The following SRP54 variants were observed in gnomAD, a reference collection of about 807,000 sequenced individuals.
SRP54 encodes the protein signal recognition particle 54.
A neutral mutation model predicts 64.8 loss-of-function variants in SRP54; 10 were observed. The ratio of observed to expected loss-of-function variants is 0.15; its 90% CI spans 0.10 to 0.26. The LOEUF (loss-of-function observed/expected upper bound fraction) is 0.26, where lower values mean the gene tolerates loss of function less well. Among genes scored for constraint, SRP54 ranks in the 10% least tolerant of loss-of-function variants. The pLI is 1.00. For missense variants in SRP54, 325 were observed against 613.7 expected, an observed-to-expected ratio of 0.53 and a Z score of 4.97; for synonymous variants, 193 against 185.6, an observed-to-expected ratio of 1.04 and a Z score of -0.32.
rs896229664 is a variant in SRP54 at position 35,022,687 on chromosome 14, C to T, written c.1157-223C>T. 2.0e-5 allele frequency among the ~76,000 whole-genome samples: 3 copies of T among 152,104 alleles called. No individual in the cohort carries two copies. The East Asian group carries it at 5.8e-4, about 29-fold the overall frequency. On this transcript the variant is annotated intron_variant, in intron 13 of 15. Transcript: ENST00000216774. ...TTAATTTTTAAAACTCAAAAGCAAA[C>T]ATAGCGAATGTTAACATTTGTTAAA...
intron 14 of SRP54, among the ~76,000 whole-genome samples, chr14:35,024,461 C>T (rs1201589734): frequency 6.6e-6 from 1 of 152,102 alleles, no homozygotes. Context: ...TCCAGTTCTT[C>T]CATTTTTCCC....
At chr14:34,988,597 C>CATATATATAT (rs1207004558) in intron 1 of SRP54, among the ~76,000 whole-genome samples, 2 of 77,924 alleles carry the variant, frequency 2.6e-5, no homozygotes, top group Non-Finnish European at 6.2e-5. Flanking sequence ...ATATATATAA[C>CATATATATAT]ATATATATAT....
At chr14:35,019,486 A>G (rs2044492630) in intron 13 of SRP54, 1 of 156,366 alleles carries the variant, frequency 6.4e-6, no homozygotes, top group Admixed American at 6.2e-5. Context: ...GTTTAAGACC[A>G]ACCTGGCCAA....
rs967586325 is a variant in SRP54, at chr14:35,016,453, A to G, written c.973+1623A>G. 4.6e-5 allele frequency among the ~76,000 whole-genome samples: 7 copies of G among 152,082 alleles called. 1 individual carries two copies. The highest frequency in any genetic ancestry group is 4.6e-4 in the Admixed American group (7 of 15,266). On this transcript the variant is annotated intron_variant, in intron 11 of 15. Transcript: ENST00000216774. ...TCTCAAATGTACATTCCTGTCTCTC[A>G]CATCTGGGCTGTTGCCTTTGCCAGT...
intron 1 of SRP54, among the ~76,000 whole-genome samples, chr14:34,988,319 T>A (rs1399654640): frequency 2.0e-5 from 3 of 151,612 alleles, no homozygotes; most frequent in Middle Eastern, 3.4e-3. Flanking sequence ...ATCCTAGCAC[T>A]TTGGGAGGCT....
chr14:35,019,229 G>C (rs1273490502), intron 13 of SRP54, 155 bp downstream of exon 13: 2 of 568,270 alleles, frequency 3.5e-6, no homozygotes, highest in African/African-American at 3.8e-5. Flanking sequence ...TTACTCAAAG[G>C]GTTATGATTA....
intron 8 of SRP54, among the ~76,000 whole-genome samples, chr14:35,012,941 G>GTTTTTTTT (rs761844773): frequency 8.4e-6 from 1 of 118,392 alleles, no homozygotes; most frequent in Non-Finnish European, 1.7e-5. Context: ...AAATGTTGTA[G>GTTTTTTTT]TTTTTTTTTT....
intron 13 of SRP54, 66 bp downstream of exon 13, chr14:35,019,140 T>C: frequency 9.0e-7 from 1 of 1,110,430 alleles, no homozygotes; most frequent in Admixed American, 2.0e-5. Flanking sequence ...AGAGTTTCAC[T>C]GTATTCTTGT....
intron 2 of SRP54, among the ~76,000 whole-genome samples, chr14:34,997,433 A>C (rs1192133249): frequency 6.6e-6 from 1 of 152,230 alleles, no homozygotes; most frequent in Non-Finnish European, 1.5e-5. Flanking sequence ...TGTATCAACA[A>C]TGGAAAAGTA....
At chr14:35,012,865 A>G (rs1262980471) in intron 8 of SRP54, among the ~76,000 whole-genome samples, 1 of 151,968 alleles carries the variant, frequency 6.6e-6, no homozygotes, top group Non-Finnish European at 1.5e-5. Context: ...CTCATGACCT[A>G]GATGGTACCT....
At chr14:35,008,120 A>G (rs2044296644) in intron 5 of SRP54, among the ~76,000 whole-genome samples, 2 of 152,230 alleles carry the variant, frequency 1.3e-5, no homozygotes, top group South Asian at 2.1e-4. Flanking sequence ...TCCTTATGCC[A>G]TATTTTTTTA....
chr14:34,999,590 C>G lies in SRP54; in HGVS notation c.111C>G (p.Thr37=). 4 of 1,613,048 alleles carry G rather than the reference C, an allele frequency of 2.5e-6. No individual in the cohort carries two copies. The highest frequency in any genetic ancestry group is 3.4e-6 in the Non-Finnish European group (4 of 1,179,426). ...ATGCTATGCTAAAAGAAGTCTGTAC[C>G]GCTTTGTTGGAAGCAGATGTTAATA... The part of the protein sequence containing the change: ...VLNAMLKEVC[T]ALLEADVNIK... The change falls in exon 3 of 16, where the codon ACC becomes ACG. Residue 37 remains threonine (T), a synonymous_variant. Transcript: ENST00000216774.
intron 4 of SRP54, among the ~76,000 whole-genome samples, chr14:35,005,303 T>C (rs8021502): frequency 0.37 from 56,018 of 151,984 alleles, 10,948 homozygotes; most frequent in East Asian, 0.69. Context: ...TACCAGTGCA[T>C]TCTAGCCTGG....
At position 35,013,592 on chromosome 14, in the gene SRP54, T is replaced by C. The variant is rs1417256188; in HGVS notation, c.785+98T>C. On this transcript the variant is annotated intron_variant, in intron 9 of 15. Transcript: ENST00000216774. ...ATTGATCATTTAAAATATGTTTCAA[T>C]AGTGAGCCTAATATGGTTTATAAAG... is the stretch of plus-strand genomic sequence containing the variant. The C allele has an allele frequency of 2.2e-6, 3 of 1,344,504 alleles. No homozygotes were observed. The African/African-American group carries it at 4.4e-5, about 20-fold the overall frequency. The allele number at this position is 1,344,504 out of a possible 1,614,324, so 83.3% of individuals were successfully genotyped here.
chr14:35,027,931 G>A, intron 14 of SRP54, 157 bp from the exon 15 acceptor site: 1 of 415,206 alleles, frequency 2.4e-6, no homozygotes. Context: ...AGATTAGAAG[G>A]GAATATGTAG....
chr14:35,008,807 A>G lies in SRP54; in HGVS notation c.461A>G (p.Lys154Arg). The change falls in exon 7 of 16, where the codon AAA (lysine) becomes AGA (arginine). Residue 154 changes from lysine (K) to arginine (R), a missense_variant. Physicochemically the swap from Lys to Arg is conservative, Grantham distance 26. Transcript: ENST00000216774. ...GACCAACTAAAACAGAATGCTACCA[A>G]AGCAAGAATTCCATTTTATGGAAGG... ...AFDQLKQNATKARIPFYGSYT... is the reference protein window; with the variant it reads ...AFDQLKQNATRARIPFYGSYT... 6.2e-7 allele frequency: 1 copy of G among 1,611,198 alleles called. No individual in the cohort carries two copies. Among genetic ancestry groups the G allele is most frequent in the Non-Finnish European group, 8.5e-7 (1 of 1,179,326 alleles).
intron 8 of SRP54, 123 bp from the exon 9 acceptor site, chr14:35,013,223 G>C: frequency 1.1e-6 from 1 of 888,976 alleles, no homozygotes. Flanking sequence ...CCAAAGTGCT[G>C]GGATTACAGG....
Position 35,026,363 on chromosome 14 carries a change from G to C in SRP54, c.1328-1725G>C, listed in dbSNP as rs1218039274. The stretch of plus-strand genomic sequence containing the variant: ...CAATCTGAGGCCCCCAAGTAGCTGA[G>C]ACTACAGACGCATGCTATCACACTG... On this transcript the variant is annotated intron_variant, in intron 14 of 15. Transcript: ENST00000216774. 2.0e-5 allele frequency among the ~76,000 whole-genome samples: 3 copies of C among 152,028 alleles called. 1 individual carries two copies. Among genetic ancestry groups the C allele is most frequent in the Non-Finnish European group, 4.4e-5 (3 of 68,020 alleles).
chr14:35,012,833 T>C (rs972005776), intron 8 of SRP54, among the ~76,000 whole-genome samples: 1 of 152,186 alleles, frequency 6.6e-6, no homozygotes, highest in African/African-American at 2.4e-5. Context: ...AGGACAAATA[T>C]TTTCTCATTT....
Sources: allele counts gnomAD v4.1 joint callset (sites outside exome capture counted in the v4.1 genomes callset), GRCh38; gene constraint gnomAD v4.1.1; transcripts MANE v1.5; gene names NCBI Gene and HGNC (gene_info 2026-07-23, HGNC 2026-07-21).